Variants in UBR2 observed in about 807,000 individuals in gnomAD.
UBR2 encodes the protein ubiquitin protein ligase E3 component n-recognin 2.
In UBR2, 92 loss-of-function variants were observed where a neutral mutation model predicts 247.9. The observed-to-expected ratio is 0.37, with a 90% CI of 0.31 to 0.44. The LOEUF (loss-of-function observed/expected upper bound fraction) is 0.44. UBR2 is among the 20% of genes least tolerant of loss of function. UBR2 has a pLI of 1.00. For missense variants in UBR2, 1,613 were observed against 2,112.6 expected (o/e 0.76, Z 4.64); for synonymous variants, 672 against 693.5 (o/e 0.97, Z 0.49).
At chr6:42,619,431 A>ATTTTTTTTTTTTTTTT (rs1562317871) in intron 11 of UBR2, 1 of 17,186 alleles carries the variant, frequency 5.8e-5, no homozygotes, top group Admixed American at 7.6e-4. Context: ...ATATATATAT[A>ATTTTTTTTTTTTTTTT]TATATATATA....
At chr6:42,626,661 C>T (rs1421531984) in intron 11 of UBR2, among the ~76,000 whole-genome samples, 1 of 152,208 alleles carries the variant, frequency 6.6e-6, no homozygotes, top group Non-Finnish European at 1.5e-5. Context: ...ATCCCCACCC[C>T]TGACACATAA....
At chr6:42,679,231 TA>T (rs1324916230) in intron 41 of UBR2, among the ~76,000 whole-genome samples, 3 of 152,264 alleles carry the variant, frequency 2.0e-5, no homozygotes, top group African/African-American at 7.2e-5. Flanking sequence ...CATGCAGTGC[TA>T]CTCTCTGAAA....
chr6:42,614,326 G>GTGTA (rs1554250273), intron 8 of UBR2, among the ~76,000 whole-genome samples: 1 of 65,426 alleles, frequency 1.5e-5, no homozygotes, highest in Non-Finnish European at 3.0e-5. Context: ...ATGTATATAT[G>GTGTA]TGTATATGTG....
chr6:42,579,547 G>A (rs1791741903), intron 2 of UBR2, among the ~76,000 whole-genome samples: 1 of 152,142 alleles, frequency 6.6e-6, no homozygotes, highest in Admixed American at 6.6e-5. Context: ...TTTTGAGACA[G>A]AGTCCCATTC....
At chr6:42,624,504 C>T (rs1291585575) in intron 11 of UBR2, among the ~76,000 whole-genome samples, 1 of 152,080 alleles carries the variant, frequency 6.6e-6, no homozygotes, top group African/African-American at 2.4e-5. Flanking sequence ...CAGATAAAAT[C>T]AATTCACTGA....
chr6:42,566,258 C>T (rs1440843217), intron 1 of UBR2, among the ~76,000 whole-genome samples: 1 of 152,090 alleles, frequency 6.6e-6, no homozygotes, highest in Non-Finnish European at 1.5e-5. Flanking sequence ...GCTCCTAGTT[C>T]TTGTTCAGTG....
chr6:42,577,275 A>G (rs1279044560), intron 2 of UBR2, among the ~76,000 whole-genome samples: 1 of 152,220 alleles, frequency 6.6e-6, no homozygotes, highest in East Asian at 1.9e-4. Flanking sequence ...CTTTAATGAG[A>G]AAGAATGATA....
intron 4 of UBR2, 91 bp from the exon 5 acceptor site, chr6:42,603,497 T>G: frequency 7.9e-7 from 1 of 1,273,398 alleles, no homozygotes; most frequent in Non-Finnish European, 1.0e-6. Flanking sequence ...AACTTTTTAC[T>G]ATACTATTTT....
At chr6:42,601,558 C>T (rs1436263200) in intron 4 of UBR2, among the ~76,000 whole-genome samples, 1 of 151,790 alleles carries the variant, frequency 6.6e-6, no homozygotes, top group African/African-American at 2.4e-5. Flanking sequence ...CATGGTGGCA[C>T]ATGCCTGGAA....
At chr6:42,610,865 G>A (rs1274224140) in intron 7 of UBR2, among the ~76,000 whole-genome samples, 34 of 147,630 alleles carry the variant, frequency 2.3e-4, no homozygotes, top group Admixed American at 1.4e-3. Flanking sequence ...TTTTTTTTGA[G>A]ACGGAGTTTT....
chr6:42,691,242 G>C lies in UBR2; in HGVS notation c.*69G>C. ...AGTTGGCTTTTTAAGAAAGAAAGAA[G>C]TTCTGCTGAATTTGGAAATAAATTC... On this transcript the variant is annotated 3_prime_UTR_variant, in exon 47 of 47. Coordinates refer to ENST00000372901, the MANE Select transcript of UBR2 (RefSeq NM_001363705.2). 6.4e-7 allele frequency: 1 copy of C among 1,571,220 alleles called. No individual in the cohort carries two copies. Among genetic ancestry groups the C allele is most frequent in the Non-Finnish European group, 8.6e-7 (1 of 1,160,238 alleles).
At chr6:42,564,426 C>T (rs1248918708) in intron 1 of UBR2, 29 bp downstream of exon 1, 1 of 1,598,110 alleles carries the variant, frequency 6.3e-7, no homozygotes, top group Non-Finnish European at 8.5e-7. Flanking sequence ...GCGGGTGCGT[C>T]TGCCCCTCGC....
At position 42,691,293 on chromosome 6, in the gene UBR2, T is replaced by A; in HGVS notation, c.*120T>A. On this transcript the variant is annotated 3_prime_UTR_variant, in exon 47 of 47. Coordinates refer to ENST00000372901, the MANE Select transcript of UBR2 (RefSeq NM_001363705.2). ...TTTATTTAAACTTTCCTTCCCAGTTTTATAGTTTCTGGTTCTGAGGACTGA... is the reference window on the plus strand; with the variant it reads ...TTTATTTAAACTTTCCTTCCCAGTTATATAGTTTCTGGTTCTGAGGACTGA... 1.4e-6 allele frequency: 2 copies of A among 1,407,624 alleles called. No homozygotes were observed. Among genetic ancestry groups the A allele is most frequent in the Non-Finnish European group, 1.9e-6 (2 of 1,027,926 alleles). The allele number at this position is 1,407,624 out of a possible 1,614,324, so 87.2% of individuals were successfully genotyped here. A position where few individuals can be genotyped will look rare whatever the true frequency, so the allele number is the denominator to read the frequency against.
Position 42,676,847 on chromosome 6 carries a change from T to C in UBR2, c.4452T>C (p.Tyr1484=). Residue 1484 remains tyrosine (Y), a synonymous_variant, in exon 40 of 47, where the codon TAT becomes TAC. Coordinates refer to ENST00000372901, the MANE Select transcript of UBR2 (RefSeq NM_001363705.2). Reference sequence around the variant, plus strand: ...AAGAATCAGCAGTTCTTGCTTTGTATAAAACACTTCACCAGTATACGGGAA... The same window carrying C: ...AAGAATCAGCAGTTCTTGCTTTGTACAAAACACTTCACCAGTATACGGGAA... ...CEEESAVLAL[Y]KTLHQYTGSA... 1 of 1,613,988 alleles carries C rather than the reference T, an allele frequency of 6.2e-7. No individual in the cohort carries two copies. The highest frequency in any genetic ancestry group is 2.2e-5 in the East Asian group (1 of 44,826).
intron 4 of UBR2, among the ~76,000 whole-genome samples, chr6:42,597,478 C>T (rs1793047362): frequency 6.6e-6 from 1 of 151,642 alleles, no homozygotes; most frequent in Non-Finnish European, 1.5e-5. Flanking sequence ...CACCTGTAGT[C>T]CCGGCTATTC....
chr6:42,598,757 G>T (rs1366752969), intron 4 of UBR2, among the ~76,000 whole-genome samples: 1 of 152,100 alleles, frequency 6.6e-6, no homozygotes, highest in Non-Finnish European at 1.5e-5. Context: ...TCCTTTTGTT[G>T]AGACTTTTGG....
intron 2 of UBR2, among the ~76,000 whole-genome samples, chr6:42,582,881 C>T (rs1435684559): frequency 5.9e-5 from 9 of 151,340 alleles, no homozygotes; most frequent in East Asian, 1.9e-4. Context: ...AAAGTCAGTG[C>T]GTTTTGGGTA....
At chr6:42,582,900 G>A (rs1054411816) in intron 2 of UBR2, among the ~76,000 whole-genome samples, 2 of 151,374 alleles carry the variant, frequency 1.3e-5, no homozygotes, top group Non-Finnish European at 1.5e-5. Flanking sequence ...TATCATTATA[G>A]TTTAAATTTT....
chr6:42,647,799 A>G (rs1001984556), intron 21 of UBR2, among the ~76,000 whole-genome samples: 2 of 152,180 alleles, frequency 1.3e-5, no homozygotes, highest in African/African-American at 4.8e-5. Context: ...AATGTTTTAT[A>G]TACTTTGTGT....
Sources: allele counts gnomAD v4.1 joint callset (sites outside exome capture counted in the v4.1 genomes callset), GRCh38; gene constraint gnomAD v4.1.1; transcripts MANE v1.5; gene names NCBI Gene and HGNC (gene_info 2026-07-23, HGNC 2026-07-21).